PLCE1: variants seen among roughly 807,000 people sequenced by gnomAD.
PLCE1 encodes the protein 1-phosphatidylinositol 4,5-bisphosphate phosphodiesterase epsilon-1.
PLCE1 carries 119 observed loss-of-function variants against 242.8 expected under a neutral mutation model. The observed-to-expected ratio is 0.49, with a 90% CI of 0.42 to 0.57. The LOEUF is 0.57. PLCE1 is among the 20% of genes least tolerant of loss of function. The pLI, the probability that PLCE1 is intolerant of heterozygous loss-of-function variation, is 0.00. For synonymous variants in PLCE1, 945 were observed against 1,017.4 expected, an observed-to-expected ratio of 0.93 and a Z score of 1.35; for missense variants, 2,441 against 2,788.8, an observed-to-expected ratio of 0.88 and a Z score of 2.81.
At chr10:94,145,954 G>A (rs2047099575) in intron 3 of PLCE1, among the ~76,000 whole-genome samples, 1 of 152,118 alleles carries the variant, frequency 6.6e-6, no homozygotes. Context: ...TAGTGCCAGG[G>A]TGAGAATGTG....
intron 3 of PLCE1, 138 bp from the exon 4 acceptor site, chr10:94,171,042 G>T: frequency 1.3e-6 from 1 of 753,476 alleles, no homozygotes; most frequent in Non-Finnish European, 2.2e-6. Flanking sequence ...TTTGTAAAAA[G>T]AAAAATAGTA....
intron 2 of PLCE1, among the ~76,000 whole-genome samples, chr10:94,039,312 C>T (rs1306584922): frequency 6.6e-6 from 1 of 151,942 alleles, no homozygotes. Context: ...AATGGCCAGA[C>T]TGTTTTCCAA....
intron 2 of PLCE1, among the ~76,000 whole-genome samples, chr10:94,041,753 C>G (rs2061771886): frequency 6.6e-6 from 1 of 152,118 alleles, no homozygotes; most frequent in Admixed American, 6.5e-5. Context: ...GGGATAGGGA[C>G]AGCATGCTGT....
intron 4 of PLCE1, among the ~76,000 whole-genome samples, chr10:94,183,748 C>G (rs887296083): frequency 2.6e-5 from 4 of 152,082 alleles, no homozygotes; most frequent in African/African-American, 9.7e-5. Context: ...GGTGAGGCCT[C>G]GGAGCTTTTA....
At position 94,089,197 on chromosome 10, in the gene PLCE1, G is replaced by C. The variant is rs752599053; in HGVS notation, c.1207-42977G>C. On this transcript the variant is annotated intron_variant, in intron 2 of 32. Coordinates refer to ENST00000371380, the MANE Select transcript of PLCE1 (RefSeq NM_016341.4). Reference sequence around the variant, plus strand: ...CAAAGGGATTAAGATTTGGCACCAGGCTTGGTTTCTGTGCAGCCTCTTAGG... The same window carrying C: ...CAAAGGGATTAAGATTTGGCACCAGCCTTGGTTTCTGTGCAGCCTCTTAGG... 2.2e-5 allele frequency: 35 copies of C among 1,613,912 alleles called. No homozygotes were observed. In the East Asian group the frequency reaches 7.8e-4, roughly 36 times the overall value.
At chr10:94,185,371 C>T in intron 4 of PLCE1, among the ~76,000 whole-genome samples, 1 of 152,154 alleles carries the variant, frequency 6.6e-6, no homozygotes, top group Admixed American at 6.5e-5. Context: ...TAGTGTGTGC[C>T]TGTAATCCCA....
At chr10:94,277,683 T>G (rs186172508) in intron 19 of PLCE1, among the ~76,000 whole-genome samples, 36 of 152,304 alleles carry the variant, frequency 2.4e-4, no homozygotes, top group African/African-American at 8.7e-4. Flanking sequence ...TTATCAGCGA[T>G]AAACAGACCT....
At chr10:94,026,393 C>T (rs1483234681) in intron 1 of PLCE1, among the ~76,000 whole-genome samples, 1 of 152,126 alleles carries the variant, frequency 6.6e-6, no homozygotes, top group Non-Finnish European at 1.5e-5. Context: ...TTTGACCTCT[C>T]CCAGGCTGGC....
intron 4 of PLCE1, among the ~76,000 whole-genome samples, chr10:94,223,362 G>A (rs531105062): frequency 2.0e-4 from 30 of 152,218 alleles, no homozygotes; most frequent in African/African-American, 7.2e-4. Context: ...ATATAGGGGA[G>A]AGGTGAGGTG....
intron 4 of PLCE1, among the ~76,000 whole-genome samples, chr10:94,179,792 C>T (rs1365075798): frequency 1.3e-5 from 2 of 151,844 alleles, no homozygotes; most frequent in Non-Finnish European, 2.9e-5. Flanking sequence ...AGACGTACGT[C>T]ACCACACCCG....
chr10:94,228,300 A>T (rs904677342), intron 5 of PLCE1, among the ~76,000 whole-genome samples: 10 of 152,250 alleles, frequency 6.6e-5, no homozygotes, highest in Non-Finnish European at 1.2e-4. Context: ...TTCTTAAGTT[A>T]GAATCAAATT....
chr10:93,995,357 A>T (rs1292524928), intron 1 of PLCE1, among the ~76,000 whole-genome samples: 1 of 152,092 alleles, frequency 6.6e-6, no homozygotes, highest in African/African-American at 2.4e-5. Context: ...CCATCCTTCA[A>T]ACTGTGTTTT....
At chr10:94,018,711 C>T (rs2061325212) in intron 1 of PLCE1, among the ~76,000 whole-genome samples, 5 of 151,968 alleles carry the variant, frequency 3.3e-5, no homozygotes, top group Admixed American at 3.3e-4. Context: ...TAATTTTTTT[C>T]TTTATGACTC....
intron 2 of PLCE1, among the ~76,000 whole-genome samples, chr10:94,046,320 A>G (rs2061882639): frequency 6.6e-6 from 1 of 152,000 alleles, no homozygotes; most frequent in Non-Finnish European, 1.5e-5. Context: ...TTTTTCTTTT[A>G]TTTGTGAGAA....
chr10:94,285,166 T>C (rs2052393544), intron 22 of PLCE1, among the ~76,000 whole-genome samples: 2 of 152,160 alleles, frequency 1.3e-5, no homozygotes, highest in Admixed American at 6.6e-5. Flanking sequence ...GTATTCATTT[T>C]TCAGGTCACA....
chr10:94,004,497 G>A (rs767837090), intron 1 of PLCE1, among the ~76,000 whole-genome samples: 35 of 152,304 alleles, frequency 2.3e-4, no homozygotes, highest in South Asian at 6.2e-4. Context: ...TTAACTCTGC[G>A]TTTGACAGCA....
intron 2 of PLCE1, among the ~76,000 whole-genome samples, chr10:94,089,894 G>A (rs2044995624): frequency 6.6e-6 from 1 of 151,798 alleles, no homozygotes; most frequent in Non-Finnish European, 1.5e-5. Flanking sequence ...TTTTCTAAGA[G>A]GAAAAAACTA....
intron 2 of PLCE1, among the ~76,000 whole-genome samples, chr10:94,126,790 A>G (rs1032549794): frequency 1.3e-5 from 2 of 152,236 alleles, no homozygotes; most frequent in African/African-American, 2.4e-5. Flanking sequence ...ACTTAACTTG[A>G]CTATTTTCAA....
At chr10:94,068,539 T>C (rs1248177608) in intron 2 of PLCE1, among the ~76,000 whole-genome samples, 1 of 152,202 alleles carries the variant, frequency 6.6e-6, no homozygotes, top group African/African-American at 2.4e-5. Context: ...AGCCATTTTA[T>C]ATAAGGAACT....
Sources: allele counts gnomAD v4.1 joint callset (sites outside exome capture counted in the v4.1 genomes callset), GRCh38; gene constraint gnomAD v4.1.1; transcripts MANE v1.5; gene names NCBI Gene and HGNC (gene_info 2026-07-23, HGNC 2026-07-21).